LTBP3: variants seen among roughly 807,000 people sequenced by gnomAD.
The protein encoded by LTBP3 is latent transforming growth factor beta binding protein 3.
In LTBP3, 97 loss-of-function variants were observed where a neutral mutation model predicts 159.7. The ratio of observed to expected loss-of-function variants is 0.61; its 90% CI spans 0.52 to 0.72. The LOEUF is 0.72. LTBP3 is among the 30% of genes least tolerant of loss of function. The probability of loss-of-function intolerance (pLI) is 0.00; values close to 1 mark genes in which losing one functional copy is unlikely to be tolerated. For missense variants in LTBP3, 1,584 were observed against 1,864.3 expected (o/e 0.85, Z 2.77); for synonymous variants, 824 against 777.1 (o/e 1.06, Z -1.00).
At chr11:65,550,845 C>G (rs1201415278) in intron 11 of LTBP3, among the ~76,000 whole-genome samples, 1 of 151,274 alleles carries the variant, frequency 6.6e-6, no homozygotes, top group Non-Finnish European at 1.5e-5. Context: ...AAACAAAAAA[C>G]AAAAAAAAAC....
Position 65,552,795 on chromosome 11 carries a change from G to C in LTBP3, c.1186+65C>G. On this transcript the variant is annotated intron_variant, in intron 6 of 27. Transcript: ENST00000301873. The surrounding 1 kb of genome is among the most constrained non-coding windows in gnomAD (Gnocchi z 6.0). ...CCTTAACCCCACTCTGATCTCTTGC[G>C]ATCTCTGATCCTTGCTCCCACCCAT... 1.2e-6 allele frequency: 2 copies of C among 1,611,544 alleles called. No homozygotes were observed. The highest frequency in any genetic ancestry group is 1.7e-6 in the Non-Finnish European group (2 of 1,178,140).
rs1386705066 is a variant in LTBP3 at position 65,551,135 on chromosome 11, G to A, written c.1711C>T (p.Gln571Ter). ...GCTGGGCGGGCCTTACCTGTGACCT[G>A]AGTGGGAGCGATCTCTACGGCGCTG... ...SRSAVEIAPT[Q>*]VTETDECRLN... The change falls in exon 11 of 28, where the codon CAG (glutamine) becomes TAG (stop). Residue 571 changes from glutamine to a stop codon, truncating the protein, a stop_gained. Coordinates refer to ENST00000301873, the MANE Select transcript of LTBP3 (RefSeq NM_001130144.3). LOFTEE classifies it high-confidence loss of function. 1.3e-6 allele frequency: 2 copies of A among 1,553,220 alleles called. No individual in the cohort carries two copies. Among genetic ancestry groups the A allele is most frequent in the Non-Finnish European group, 8.7e-7 (1 of 1,148,584 alleles).
chr11:65,539,228 A>G lies in LTBP3; in HGVS notation c.3764T>C (p.Ile1255Thr). ...CTGGTTCAGCTCTCGGCACTCGTCG[A>G]TATCTGAAGGTGAGGGCGACAGGTG... ...LDASRARCVDIDECRELNQRG... is the reference protein window; with the variant it reads ...LDASRARCVDTDECRELNQRG... Residue 1255 changes from isoleucine to threonine, a missense_variant, in exon 28 of 28, where the codon ATC (isoleucine) becomes ACC (threonine). By Grantham distance (89) the Ile-to-Thr change is moderately conservative. Coordinates refer to ENST00000301873, the MANE Select transcript of LTBP3 (RefSeq NM_001130144.3). The G allele has an allele frequency of 6.5e-7, 1 of 1,526,812 alleles. No individual in the cohort carries two copies. 94.6% of individuals were successfully genotyped at this position (1,526,812 alleles called of 1,614,324 possible).
At chr11:65,548,492 C>T (rs915716778) in intron 11 of LTBP3, 2 of 250,938 alleles carry the variant, frequency 8.0e-6, no homozygotes, top group Non-Finnish European at 1.6e-5. Context: ...CCCAGGGACC[C>T]GACCCCCTAT....
intron 11 of LTBP3, among the ~76,000 whole-genome samples, chr11:65,550,813 A>G (rs1856577082): frequency 6.6e-6 from 1 of 152,172 alleles, no homozygotes; most frequent in Non-Finnish European, 1.5e-5. Flanking sequence ...ACAGAGCAAG[A>G]CTCCGTCTCA....
Position 65,547,652 on chromosome 11 carries a change from G to T in LTBP3, c.1978+38C>A. ...TACACGGCGGTCTGGAGGAGAGCCC[G>T]TCCCACCCAGGGCCGCCTCCGCCCT... On this transcript the variant is annotated intron_variant, in intron 13 of 27. Coordinates refer to ENST00000301873, the MANE Select transcript of LTBP3 (RefSeq NM_001130144.3). This position sits in a 1 kb window ranked among gnomAD's most constrained non-coding sequence, Gnocchi z 4.6. The T allele has an allele frequency of 6.2e-7, 1 of 1,606,856 alleles. No homozygotes were observed. The highest frequency in any genetic ancestry group is 1.8e-4 in the Middle Eastern group (1 of 5,556).
chr11:65,558,105 C>CG lies in LTBP3; in HGVS notation c.-147dup. 2 of 1,072,494 alleles carry CG rather than the reference C, an allele frequency of 1.9e-6. No individual in the cohort carries two copies. The highest frequency in any genetic ancestry group is 2.3e-6 in the Non-Finnish European group (2 of 884,754). The allele number at this position is 1,072,494 out of a possible 1,614,324, so 66.4% of individuals were successfully genotyped here. ...GGGGGAAGCGGGCGGGAGGGGACCG[C>CG]GGGGGCCCGGCGGGAGGCGCGGAGA... is the stretch of plus-strand genomic sequence containing the variant. On this transcript the variant is annotated 5_prime_UTR_variant, in exon 1 of 28. Transcript: ENST00000301873.
At position 65,551,462 on chromosome 11, in the gene LTBP3, C is replaced by T; in HGVS notation, c.1561G>A (p.Glu521Lys). 3 of 1,614,000 alleles carry T rather than the reference C, an allele frequency of 1.9e-6. No homozygotes were observed. The highest frequency in any genetic ancestry group is 1.7e-6 in the Non-Finnish European group (2 of 1,180,004). The stretch of plus-strand genomic sequence containing the variant: ...GGGTGGCTCTGCTGCACTGACCTCT[C>T]CTCACTCACCGGCTGCGGGTGACAG... ...GVTTDSPVSE[E>K]RSVQQSHPTA... is the part of the protein sequence containing the mutation. Residue 521 changes from glutamate (E) to lysine (K), a missense_variant, in exon 10 of 28, where the codon GAG becomes AAG. By Grantham distance (56) the Glu-to-Lys change is moderately conservative. Coordinates refer to ENST00000301873, the MANE Select transcript of LTBP3 (RefSeq NM_001130144.3).
Position 65,538,815 on chromosome 11 carries a change from G to A in LTBP3, c.*265C>T. ...AACATCAATTTGCTTCGAAAGCCAA[G>A]GGTAAAGAGGCACGATCTGATTTAT... On this transcript the variant is annotated 3_prime_UTR_variant, in exon 28 of 28. Transcript: ENST00000301873. The A allele has an allele frequency of 1.2e-6, 1 of 824,180 alleles. No individual in the cohort carries two copies. The highest frequency in any genetic ancestry group is 1.8e-6 in the Non-Finnish European group (1 of 564,062). The allele number at this position is 824,180 out of a possible 1,614,324, so 51.1% of individuals were successfully genotyped here. A position where few individuals can be genotyped will look rare whatever the true frequency, so the allele number is the denominator to read the frequency against.
chr11:65,540,421 G>A (rs759149956), intron 22 of LTBP3, 39 bp from the exon 23 acceptor site: 2 of 1,608,388 alleles, frequency 1.2e-6, no homozygotes, highest in Middle Eastern at 1.7e-4. Flanking sequence ...GGGCAGGCCC[G>A]GGATGGGCGC....
chr11:65,547,474 T>G lies in LTBP3; in HGVS notation c.2072A>C (p.Tyr691Ser). The G allele has an allele frequency of 3.7e-6, 6 of 1,613,992 alleles. No individual in the cohort carries two copies. The highest frequency in any genetic ancestry group is 5.1e-6 in the Non-Finnish European group (6 of 1,179,984). The change falls in exon 14 of 28, where the codon TAC becomes TCC. Residue 691 changes from tyrosine to serine, a missense_variant. By Grantham distance (144) the Tyr-to-Ser change is moderately radical. Coordinates refer to ENST00000301873, the MANE Select transcript of LTBP3 (RefSeq NM_001130144.3). This position sits in a 1 kb window ranked among gnomAD's most constrained non-coding sequence, Gnocchi z 4.6. ...AGGAGGCCGGGAGGCTTTGAGCCGG[T>G]AGCCGGGGTAGCAGTTGCACTTGTA... The part of the protein sequence containing the change: ...GHYKCNCYPG[Y>S]RLKASRPPVC...
At chr11:65,551,315 G>C in intron 10 of LTBP3, 87 bp downstream of exon 10, 1 of 1,549,404 alleles carries the variant, frequency 6.5e-7, no homozygotes, top group Non-Finnish European at 8.7e-7. Context: ...ACCCCAGCTT[G>C]ACTGTCCCCG....
Position 65,551,554 on chromosome 11 carries a change from C to A in LTBP3, c.1542G>T (p.Thr514=), listed in dbSNP as rs775891824. 1 of 1,613,904 alleles carries A rather than the reference C, an allele frequency of 6.2e-7. No individual in the cohort carries two copies. The highest frequency in any genetic ancestry group is 8.5e-7 in the Non-Finnish European group (1 of 1,180,026). The change falls in exon 9 of 28, where the codon ACG becomes ACT. Residue 514 remains threonine (T), a synonymous_variant. Coordinates refer to ENST00000301873, the MANE Select transcript of LTBP3 (RefSeq NM_001130144.3). ...TCTGGGTTCTCATACTCACTGAGTC[C>A]GTGGTCACCCCTAAAAGGGAAGAAG... ...EDTEEERGVT[T]DSPVSEERSV...
rs1856880572 is a variant in LTBP3 at position 65,558,153 on chromosome 11, G to A, written c.-194C>T. 9.3e-7 allele frequency: 1 copy of A among 1,075,718 alleles called. No homozygotes were observed. The highest frequency in any genetic ancestry group is 1.1e-6 in the Non-Finnish European group (1 of 887,138). 66.6% of individuals were successfully genotyped at this position (1,075,718 alleles called of 1,614,324 possible). ...AGATGCAGACTGGACAGCGGGGAGC[G>A]CAGAAACTTCCCAGCCCCAGGACGA... On this transcript the variant is annotated 5_prime_UTR_variant, in exon 1 of 28. Transcript: ENST00000301873.
In LTBP3 at chr11:65,553,643, T is replaced by C. The variant is rs1022056733; in HGVS notation, c.864+58A>G. 27 of 1,533,886 alleles carry C rather than the reference T, an allele frequency of 1.8e-5. No homozygotes were observed. Among genetic ancestry groups the C allele is most frequent in the East Asian group, 7.2e-5 (3 of 41,910 alleles). On this transcript the variant is annotated intron_variant, in intron 3 of 27. Transcript: ENST00000301873. This position sits in a 1 kb window ranked among gnomAD's most constrained non-coding sequence, Gnocchi z 6.5. Reference sequence around the variant, plus strand: ...CTCAGTTTTCTGCTATCCGAGTGAGTTGGGGCAGAGCAACCCTGAGAGAAG... The same window carrying C: ...CTCAGTTTTCTGCTATCCGAGTGAGCTGGGGCAGAGCAACCCTGAGAGAAG...
chr11:65,541,774 C>T (rs1310632047), intron 18 of LTBP3, 46 bp from the exon 19 acceptor site: 18 of 1,610,562 alleles, frequency 1.1e-5, no homozygotes, highest in African/African-American at 2.7e-5. Context: ...CCCTCTTTCC[C>T]TGGGGCTGCA....
Position 65,546,796 on chromosome 11 carries a change from A to G in LTBP3, c.2230+2T>C. On this transcript the variant is annotated splice_donor_variant, in intron 15 of 27. Transcript: ENST00000301873. LOFTEE classifies it high-confidence loss of function. This position sits in a 1 kb window ranked among gnomAD's most constrained non-coding sequence, Gnocchi z 4.0. ...CCACTCGGCTCCGGGCCCCGCCCTC[A>G]CCGCGACAGGCCCCGCCCCCCTGGC... 1.9e-6 allele frequency: 3 copies of G among 1,593,804 alleles called. No homozygotes were observed. Among genetic ancestry groups the G allele is most frequent in the South Asian group, 1.1e-5 (1 of 90,712 alleles).
intron 24 of LTBP3, 63 bp from the exon 25 acceptor site, chr11:65,539,944 C>T: frequency 6.8e-7 from 1 of 1,465,212 alleles, no homozygotes; most frequent in Non-Finnish European, 9.0e-7. Flanking sequence ...CTCCGCCCCA[C>T]CCCACCTGCG....
At position 65,546,071 on chromosome 11, in the gene LTBP3, C is replaced by G; in HGVS notation, c.2353+371G>C. ...CCAGCTCCATCCAGGCCCAGCACTG[C>G]ATGCTACAGTCTGTCTTTCCTTCTC... On this transcript the variant is annotated intron_variant, in intron 16 of 27. Coordinates refer to ENST00000301873, the MANE Select transcript of LTBP3 (RefSeq NM_001130144.3). This position sits in a 1 kb window ranked among gnomAD's most constrained non-coding sequence, Gnocchi z 4.0. 3.4e-6 allele frequency: 1 copy of G among 295,958 alleles called. No homozygotes were observed. Among genetic ancestry groups the G allele is most frequent in the Non-Finnish European group, 6.4e-6 (1 of 155,912 alleles). 18.3% of individuals were successfully genotyped at this position (295,958 alleles called of 1,614,324 possible).
Sources: allele counts gnomAD v4.1 joint callset (sites outside exome capture counted in the v4.1 genomes callset), GRCh38; gene constraint gnomAD v4.1.1; non-coding constraint Gnocchi (gnomAD v3.1); transcripts MANE v1.5; gene names NCBI Gene and HGNC (gene_info 2026-07-23, HGNC 2026-07-21).